RAD51B: variants seen among roughly 807,000 people sequenced by gnomAD.
RAD51B encodes RAD51 paralog B.
In RAD51B, 38 loss-of-function variants were observed where a neutral mutation model predicts 42.2. That is an observed-to-expected ratio of 0.90 (90% CI 0.70 to 1.18). The LOEUF (loss-of-function observed/expected upper bound fraction) is 1.18, where lower values mean the gene tolerates loss of function less well. Ranked by LOEUF, RAD51B falls within the 50% of genes most tolerant of loss-of-function variation. The probability of loss-of-function intolerance (pLI) is 0.00; values close to 1 mark genes in which losing one functional copy is unlikely to be tolerated. For synonymous variants in RAD51B, 154 were observed against 145.2 expected, an observed-to-expected ratio of 1.06 and a Z score of -0.43; for missense variants, 373 against 400.7, an observed-to-expected ratio of 0.93 and a Z score of 0.59.
intron 4 of RAD51B, among the ~76,000 whole-genome samples, chr14:67,851,602 G>T (rs2041810011): frequency 6.6e-6 from 1 of 152,104 alleles, no homozygotes; most frequent in Non-Finnish European, 1.5e-5. Flanking sequence ...GGCAGCAGGG[G>T]TGGCCACGGC....
intron 7 of RAD51B, among the ~76,000 whole-genome samples, chr14:68,120,680 A>T (rs1231030776): frequency 4.0e-5 from 6 of 151,344 alleles, no homozygotes; most frequent in African/African-American, 1.5e-4. Context: ...ACCCTTTGGG[A>T]GCCTGGAAGT....
At chr14:68,158,079 CT>C (rs1356988757) in intron 7 of RAD51B, among the ~76,000 whole-genome samples, 10 of 152,122 alleles carry the variant, frequency 6.6e-5, no homozygotes, top group African/African-American at 2.2e-4. Flanking sequence ...GGAGACCTAG[CT>C]TGTGGCAGAC....
At chr14:68,369,770 A>G (rs1437883775) in intron 8 of RAD51B, among the ~76,000 whole-genome samples, 3 of 152,242 alleles carry the variant, frequency 2.0e-5, no homozygotes, top group Non-Finnish European at 2.9e-5. Flanking sequence ...GTTGGAGACC[A>G]TGGCCTAGTC....
chr14:67,908,578 A>G (rs1323809109), intron 7 of RAD51B: 1 of 152,046 alleles, frequency 6.6e-6, no homozygotes, highest in Non-Finnish European at 1.5e-5. Flanking sequence ...AGGTCCTTGG[A>G]AGCCAGAGAG....
intron 7 of RAD51B, among the ~76,000 whole-genome samples, chr14:68,137,538 C>T (rs960676065): frequency 1.3e-5 from 2 of 152,168 alleles, no homozygotes; most frequent in South Asian, 2.1e-4. Flanking sequence ...ACATGGAATG[C>T]ACCATAAATG....
intron 10 of RAD51B, among the ~76,000 whole-genome samples, chr14:68,649,575 T>G (rs1892657025): frequency 6.6e-6 from 1 of 152,214 alleles, no homozygotes; most frequent in Non-Finnish European, 1.5e-5. Flanking sequence ...CCTGAAATGA[T>G]GTATTTATCT....
At chr14:67,984,085 C>T (rs553177662) in intron 7 of RAD51B, among the ~76,000 whole-genome samples, 5 of 151,868 alleles carry the variant, frequency 3.3e-5, no homozygotes, top group Non-Finnish European at 7.4e-5. Context: ...ACAACAGGGG[C>T]GTGCCACCAC....
At chr14:68,474,709 C>A (rs1218355030) in intron 10 of RAD51B, among the ~76,000 whole-genome samples, 1 of 152,214 alleles carries the variant, frequency 6.6e-6, no homozygotes, top group Non-Finnish European at 1.5e-5. Context: ...GCTTCATGAG[C>A]CTCTGTTGAG....
intron 9 of RAD51B, among the ~76,000 whole-genome samples, chr14:68,436,859 C>T (rs2085159733): frequency 1.3e-5 from 2 of 152,100 alleles, no homozygotes; most frequent in Admixed American, 6.6e-5. Context: ...ATTTTCTGTA[C>T]ATTGATTTTG....
chr14:68,270,271 G>GT (rs1449665180), intron 7 of RAD51B, among the ~76,000 whole-genome samples: 20 of 152,206 alleles, frequency 1.3e-4, no homozygotes, highest in African/African-American at 4.6e-4. Flanking sequence ...GGAGCAGATG[G>GT]TTCACTGAAG....
chr14:68,636,367 GAGGT>G, intron 10 of RAD51B, among the ~76,000 whole-genome samples: 1 of 152,126 alleles, frequency 6.6e-6, no homozygotes, highest in East Asian at 1.9e-4. Flanking sequence ...TGGATCATTT[GAGGT>G]CAGGAGTTCG....
intron 9 of RAD51B, among the ~76,000 whole-genome samples, chr14:68,458,698 ATAT>A (rs892982227): frequency 1.3e-3 from 188 of 149,684 alleles, no homozygotes; most frequent in African/African-American, 4.4e-3. Context: ...ATTATATTGT[ATAT>A]TATTATTTAT....
At chr14:68,658,154 G>A (rs1294407761) in intron 11 of RAD51B, among the ~76,000 whole-genome samples, 1 of 152,236 alleles carries the variant, frequency 6.6e-6, no homozygotes, top group Admixed American at 6.5e-5. Context: ...GCTCTGGGCT[G>A]GGTTGGCAGG....
intron 10 of RAD51B, among the ~76,000 whole-genome samples, chr14:68,492,816 T>C (rs1884183581): frequency 6.6e-6 from 1 of 152,206 alleles, no homozygotes. Context: ...AAGCCTGGCA[T>C]GTATTAAGTA....
intron 10 of RAD51B, among the ~76,000 whole-genome samples, chr14:68,584,103 C>T (rs2140064179): frequency 6.6e-6 from 1 of 152,296 alleles, no homozygotes; most frequent in South Asian, 2.1e-4. Context: ...GATTTCTGCC[C>T]AACACCTCGT....
chr14:68,322,886 A>G (rs1459881690), intron 8 of RAD51B, among the ~76,000 whole-genome samples: 1 of 152,206 alleles, frequency 6.6e-6, no homozygotes, highest in Non-Finnish European at 1.5e-5. Flanking sequence ...GCTTTGTGTA[A>G]TTACCAGGAA....
intron 10 of RAD51B, among the ~76,000 whole-genome samples, chr14:68,639,931 A>C (rs1440521759): frequency 6.6e-6 from 1 of 151,748 alleles, no homozygotes; most frequent in Non-Finnish European, 1.5e-5. Context: ...CCTGCTGAGT[A>C]GCTGGGATTA....
intron 7 of RAD51B, among the ~76,000 whole-genome samples, chr14:67,920,774 C>T (rs987244863): frequency 2.0e-5 from 3 of 151,932 alleles, no homozygotes; most frequent in Admixed American, 1.3e-4. Context: ...TCCCACCCTC[C>T]GATAATGCTT....
At chr14:68,669,273 G>T (rs1186822675) in intron 11 of RAD51B, among the ~76,000 whole-genome samples, 4 of 152,228 alleles carry the variant, frequency 2.6e-5, no homozygotes, top group Non-Finnish European at 5.9e-5. Context: ...CAAACAGACT[G>T]AACTTTACAT....
Sources: allele counts gnomAD v4.1 joint callset (sites outside exome capture counted in the v4.1 genomes callset), GRCh38; gene constraint gnomAD v4.1.1; transcripts MANE v1.5; gene names NCBI Gene and HGNC (gene_info 2026-07-23, HGNC 2026-07-21).